SOD2: variants seen among roughly 807,000 people sequenced by gnomAD.
SOD2 encodes superoxide dismutase 2, also known as superoxide dismutase [Mn], mitochondrial.
In SOD2, 11 loss-of-function variants were observed where a neutral mutation model predicts 27.0. That is an observed-to-expected ratio of 0.41 (90% confidence interval 0.26 to 0.67). The LOEUF (loss-of-function observed/expected upper bound fraction) is 0.67. Among genes scored for constraint, SOD2 ranks in the 30% least tolerant of loss-of-function variants. The probability of loss-of-function intolerance (pLI) is 0.34; values close to 1 mark genes in which losing one functional copy is unlikely to be tolerated. For missense variants in SOD2, 250 were observed against 274.5 expected, an observed-to-expected ratio of 0.91 and a Z score of 0.63; for synonymous variants, 105 against 103.0, an observed-to-expected ratio of 1.02 and a Z score of -0.12.
intron 1 of SOD2, among the ~76,000 whole-genome samples, chr6:159,752,882 A>C (rs556322573): frequency 1.3e-5 from 2 of 152,244 alleles, no homozygotes; most frequent in South Asian, 4.2e-4. Context: ...TGGCACTACA[A>C]GCATGTGTGC....
At chr6:159,723,380 G>C (rs931970024) in intron 1 of SOD2, among the ~76,000 whole-genome samples, 1 of 152,060 alleles carries the variant, frequency 6.6e-6, no homozygotes, top group Non-Finnish European at 1.5e-5. Flanking sequence ...TACCACTATG[G>C]ATTAGTGTTG....
intron 1 of SOD2, among the ~76,000 whole-genome samples, chr6:159,736,058 C>G (rs1242063935): frequency 1.3e-5 from 2 of 152,146 alleles, no homozygotes; most frequent in African/African-American, 4.8e-5. Flanking sequence ...GATCTGGGTA[C>G]AGAGTATATA....
upstream of SOD2, chr6:159,727,735 CG>C (rs1778284510): frequency 1.0e-6 from 1 of 985,254 alleles, no homozygotes; most frequent in African/African-American, 1.7e-5. Context: ...GGAGCGGACG[CG>C]GGGGACCTCC....
intron 1 of SOD2, among the ~76,000 whole-genome samples, chr6:159,725,315 T>C (rs1778131935): frequency 1.3e-5 from 2 of 152,156 alleles, no homozygotes; most frequent in South Asian, 4.1e-4. Context: ...ATCCCATCTC[T>C]ATTAAAAATA....
In SOD2 at chr6:159,675,042, G is replaced by T. The variant is rs1210216988; in HGVS notation, c.*7451C>A. On this transcript the variant is annotated 3_prime_UTR_variant, in exon 5 of 5. Coordinates refer to ENST00000538183, the MANE Select transcript of SOD2 (RefSeq NM_000636.4). ...ATACCTAGGAATCCAACTTACAAGG[G>T]ATGTGAAGGACCTCTTCAAGGAGAA... 6.6e-6 allele frequency: 1 copy of T among 152,100 alleles called. No homozygotes were observed. The highest frequency in any genetic ancestry group is 1.5e-5 in the Non-Finnish European group (1 of 68,010). 9.4% of individuals were successfully genotyped at this position (152,100 alleles called of 1,614,324 possible). A position where few individuals can be genotyped will look rare whatever the true frequency, so the allele number is the denominator to read the frequency against.
At chr6:159,732,520 G>A (rs547844554) in intron 1 of SOD2, among the ~76,000 whole-genome samples, 1 of 152,136 alleles carries the variant, frequency 6.6e-6, no homozygotes, top group African/African-American at 2.4e-5. Context: ...AGCTAAAATT[G>A]TCTTTAAGAT....
rs373611727 is a variant in SOD2 at position 159,678,729 on chromosome 6, G to C, written c.*3764C>G. The C allele has an allele frequency of 6.6e-6, 1 of 152,184 alleles. No individual in the cohort carries two copies. Among genetic ancestry groups the C allele is most frequent in the African/African-American group, 2.4e-5 (1 of 41,442 alleles). The allele number at this position is 152,184 out of a possible 1,614,324, so 9.4% of individuals were successfully genotyped here. On this transcript the variant is annotated 3_prime_UTR_variant, in exon 5 of 5. Transcript: ENST00000538183. The stretch of plus-strand genomic sequence containing the variant: ...CACTTTATAGCCAGTCAGAAGTATA[G>C]GGACTTGCGATTGGTATCTGGAGTG...
At chr6:159,748,140 T>C (rs1211083754), upstream of SOD2, 1 of 1,552,506 alleles carries the variant, frequency 6.4e-7, no homozygotes, top group African/African-American at 1.4e-5. This position sits in a 1 kb window ranked among gnomAD's most constrained non-coding sequence, Gnocchi z 5.6. Flanking sequence ...CCCACCTTCT[T>C]ATGTATGTTT....
rs1340059630 is a variant in SOD2, at chr6:159,669,184, C to T, written c.*13309G>A. The T allele has an allele frequency of 2.0e-5, 3 of 152,282 alleles. No individual in the cohort carries two copies. Among genetic ancestry groups the T allele is most frequent in the Non-Finnish European group, 4.4e-5 (3 of 68,026 alleles). 9.4% of individuals were successfully genotyped at this position (152,282 alleles called of 1,614,324 possible). A position where few individuals can be genotyped will look rare whatever the true frequency, so the allele number is the denominator to read the frequency against. Reference sequence around the variant, plus strand: ...GGCGTTCTGTCGGAATTATCATGCACTGTGGTGGAAAGAACACTAAGGCAG... The same window carrying T: ...GGCGTTCTGTCGGAATTATCATGCATTGTGGTGGAAAGAACACTAAGGCAG... On this transcript the variant is annotated 3_prime_UTR_variant, in exon 5 of 5. Transcript: ENST00000538183.
At chr6:159,751,944 C>A (rs1302247138) in intron 1 of SOD2, among the ~76,000 whole-genome samples, 1 of 151,664 alleles carries the variant, frequency 6.6e-6, no homozygotes, top group African/African-American at 2.4e-5. Context: ...ACCTATAGTC[C>A]CCAGGTACTC....
chr6:159,697,789 G>C (rs1777449739), upstream of SOD2, among the ~76,000 whole-genome samples: 1 of 152,260 alleles, frequency 6.6e-6, no homozygotes. Context: ...GGATATGAAT[G>C]TACAGTTGAC....
chr6:159,695,138 A>C (rs1562429346), upstream of SOD2, among the ~76,000 whole-genome samples: 1 of 152,162 alleles, frequency 6.6e-6, no homozygotes, highest in African/African-American at 2.4e-5. Flanking sequence ...AACTGGAAGA[A>C]AAGGGCATTT....
Position 159,670,130 on chromosome 6 carries a change from C to A in SOD2, c.*12363G>T, listed in dbSNP as rs1010823084. 6.6e-6 allele frequency: 1 copy of A among 152,254 alleles called. No individual in the cohort carries two copies. Among genetic ancestry groups the A allele is most frequent in the African/African-American group, 2.4e-5 (1 of 41,450 alleles). 9.4% of individuals were successfully genotyped at this position (152,254 alleles called of 1,614,324 possible). ...TCAAGGGATCCTCCCAACTCAGCCT[C>A]TCAAGTAGCTGGGACTATAGGGATG... On this transcript the variant is annotated 3_prime_UTR_variant, in exon 5 of 5. Coordinates refer to ENST00000538183, the MANE Select transcript of SOD2 (RefSeq NM_000636.4).
intron 1 of SOD2, among the ~76,000 whole-genome samples, chr6:159,709,603 A>G (rs1777691683): frequency 1.3e-5 from 2 of 152,200 alleles, no homozygotes; most frequent in South Asian, 4.1e-4. Flanking sequence ...CAATCATTAA[A>G]AAGTCAGGAA....
At chr6:159,709,644 T>C (rs570688335) in intron 1 of SOD2, among the ~76,000 whole-genome samples, 17 of 152,138 alleles carry the variant, frequency 1.1e-4, no homozygotes, top group East Asian at 3.9e-4. Context: ...TGTGGAGAAA[T>C]AGGAACACTT....
At chr6:159,752,756 TCTC>T (rs1467308283) in intron 1 of SOD2, among the ~76,000 whole-genome samples, 3 of 152,180 alleles carry the variant, frequency 2.0e-5, no homozygotes, top group Non-Finnish European at 4.4e-5. Flanking sequence ...AACTTCCCTC[TCTC>T]CTCCTCTTTT....
chr6:159,741,895 G>C, intron 1 of SOD2: 2 of 473,514 alleles, frequency 4.2e-6, no homozygotes, highest in Admixed American at 4.0e-5. Context: ...CTTGAGCCCA[G>C]ACCCTGTTTG....
At chr6:159,748,179 T>C (rs766557705), upstream of SOD2, 2 of 1,606,868 alleles carry the variant, frequency 1.2e-6, no homozygotes, top group Admixed American at 3.4e-5. This position sits in a 1 kb window ranked among gnomAD's most constrained non-coding sequence, Gnocchi z 5.6. Context: ...TTGTTTCTTT[T>C]GCTTTGCACA....
At chr6:159,733,486 G>A (rs1388738119) in intron 1 of SOD2, among the ~76,000 whole-genome samples, 1 of 152,114 alleles carries the variant, frequency 6.6e-6, no homozygotes, top group Non-Finnish European at 1.5e-5. Flanking sequence ...ACTGGGTGTG[G>A]TGGCACATGC....
Sources: allele counts gnomAD v4.1 joint callset (sites outside exome capture counted in the v4.1 genomes callset), GRCh38; gene constraint gnomAD v4.1.1; non-coding constraint Gnocchi (gnomAD v3.1); transcripts MANE v1.5; gene names NCBI Gene and HGNC (gene_info 2026-07-23, HGNC 2026-07-21).